Variants in ADAMTS12 observed in about 807,000 individuals in gnomAD.
ADAMTS12 encodes A disintegrin and metalloproteinase with thrombospondin motifs 12.
ADAMTS12 carries 118 observed loss-of-function variants against 167.8 expected under a neutral mutation model. That is an observed-to-expected ratio of 0.70 (90% confidence interval 0.61 to 0.82). The LOEUF is 0.82. Ranked by LOEUF, ADAMTS12 falls within the 40% of genes least tolerant of loss-of-function variation. The pLI is 0.00. For missense variants in ADAMTS12, 1,916 were observed against 1,998.8 expected, an observed-to-expected ratio of 0.96 and a Z score of 0.79; for synonymous variants, 704 against 716.9, an observed-to-expected ratio of 0.98 and a Z score of 0.29.
chr5:33,559,710 A>G lies in ADAMTS12; in HGVS notation c.4125+1317T>C, dbSNP rs181933. On this transcript the variant is annotated intron_variant, in intron 20 of 23. Coordinates refer to ENST00000504830, the MANE Select transcript of ADAMTS12 (RefSeq NM_030955.4). The stretch of plus-strand genomic sequence containing the variant: ...AGCCTGGCCAACATGGTGAAACCCC[A>G]TCTCTACTAAAAATACAAAAATCAG... Among the ~76,000 whole-genome samples, 1,025 of 152,148 alleles carry G rather than the reference A, an allele frequency of 6.7e-3. 14 individuals are homozygous for G. Among genetic ancestry groups the G allele is most frequent in the African/African-American group, 0.024 (982 of 41,522 alleles).
At chr5:33,775,028 G>A (rs920204633) in intron 2 of ADAMTS12, among the ~76,000 whole-genome samples, 3 of 152,080 alleles carry the variant, frequency 2.0e-5, no homozygotes, top group Non-Finnish European at 4.4e-5. Context: ...AGCATCTCTG[G>A]GTGATAGGGC....
intron 5 of ADAMTS12, among the ~76,000 whole-genome samples, chr5:33,668,994 G>C (rs949077289): frequency 3.9e-5 from 6 of 152,178 alleles, no homozygotes; most frequent in Non-Finnish European, 7.4e-5. Flanking sequence ...AAAATAAAAG[G>C]TGTTCAGACT....
At chr5:33,639,641 A>C (rs1295676992) in intron 11 of ADAMTS12, among the ~76,000 whole-genome samples, 1 of 152,224 alleles carries the variant, frequency 6.6e-6, no homozygotes, top group Non-Finnish European at 1.5e-5. Context: ...TGGCAAAGCC[A>C]AGACTTGAAT....
chr5:33,654,144 T>C (rs1170412079), intron 7 of ADAMTS12, among the ~76,000 whole-genome samples: 2 of 152,210 alleles, frequency 1.3e-5, no homozygotes, highest in African/African-American at 4.8e-5. Context: ...TTTTCAGTTC[T>C]ACATGTTTGA....
Position 33,616,043 on chromosome 5 carries a change from C to T in ADAMTS12, c.2173G>A (p.Gly725Arg), listed in dbSNP as rs1738991096. The T allele has an allele frequency of 6.2e-7, 1 of 1,614,118 alleles. No individual in the cohort carries two copies. ...TCCATCACTCTTATGTCCCTTGCTC[C>T]TTTTGGAATGAGCCCAATGTCAACA... is the stretch of plus-strand genomic sequence containing the variant. Reference protein sequence around the residue: ...GYVDIGLIPKGARDIRVMEIE... With the variant: ...GYVDIGLIPKRARDIRVMEIE... Residue 725 changes from glycine to arginine, a missense_variant, in exon 15 of 24, where the codon GGA becomes AGA. Transcript: ENST00000504830.
intron 5 of ADAMTS12, among the ~76,000 whole-genome samples, chr5:33,670,810 C>T (rs906588971): frequency 2.6e-5 from 4 of 152,206 alleles, no homozygotes; most frequent in African/African-American, 9.7e-5. Context: ...CAGTTACATT[C>T]CTGTGCCTTT....
chr5:33,529,563 T>A (rs933953889), intron 23 of ADAMTS12, among the ~76,000 whole-genome samples: 1 of 152,114 alleles, frequency 6.6e-6, no homozygotes, highest in African/African-American at 2.4e-5. Context: ...AAAGTAGAAA[T>A]GGAAATAATA....
intron 22 of ADAMTS12, among the ~76,000 whole-genome samples, chr5:33,541,434 C>A (rs1744690495): frequency 6.6e-6 from 1 of 152,194 alleles, no homozygotes; most frequent in Non-Finnish European, 1.5e-5. Context: ...AGGAAAACTT[C>A]CCCAACCTAG....
At chr5:33,813,087 T>TA (rs1293944587) in intron 2 of ADAMTS12, among the ~76,000 whole-genome samples, 8 of 152,242 alleles carry the variant, frequency 5.3e-5, no homozygotes, top group African/African-American at 1.9e-4. Flanking sequence ...TCCTAAGTGA[T>TA]AGCCAGTACC....
chr5:33,803,759 G>C (rs1296141051), intron 2 of ADAMTS12, among the ~76,000 whole-genome samples: 4 of 152,194 alleles, frequency 2.6e-5, no homozygotes, highest in Admixed American at 2.6e-4. Flanking sequence ...GCAGGCAAGA[G>C]GGTGTGTGCA....
intron 3 of ADAMTS12, among the ~76,000 whole-genome samples, chr5:33,706,567 C>T (rs1561226027): frequency 6.6e-6 from 1 of 152,156 alleles, no homozygotes; most frequent in Non-Finnish European, 1.5e-5. Flanking sequence ...AGATGGGCCT[C>T]CTGAATACAG....
chr5:33,541,282 A>G (rs1219094830), intron 22 of ADAMTS12, among the ~76,000 whole-genome samples: 2 of 152,222 alleles, frequency 1.3e-5, no homozygotes, highest in Non-Finnish European at 2.9e-5. Flanking sequence ...ACAAGTTTAG[A>G]GATAAAGAGT....
At chr5:33,818,632 TTTC>T (rs1422587203) in intron 2 of ADAMTS12, among the ~76,000 whole-genome samples, 3 of 152,102 alleles carry the variant, frequency 2.0e-5, no homozygotes, top group African/African-American at 7.2e-5. Flanking sequence ...CTATTTTTAA[TTTC>T]TTTAGGAATC....
intron 2 of ADAMTS12, among the ~76,000 whole-genome samples, chr5:33,879,542 C>T (rs576522956): frequency 7.0e-4 from 106 of 152,236 alleles, no homozygotes; most frequent in Middle Eastern, 3.4e-3. Context: ...AAATGTTCTG[C>T]AGCTCAATGA....
chr5:33,641,814 G>T lies in ADAMTS12; in HGVS notation c.1714C>A (p.Pro572Thr). The change falls in exon 11 of 24, where the codon CCC becomes ACC. Residue 572 changes from proline to threonine, a missense_variant. Coordinates refer to ENST00000504830, the MANE Select transcript of ADAMTS12 (RefSeq NM_030955.4). ...VQSAERLCNNPEPKFGGKYCT... is the reference protein window; with the variant it reads ...VQSAERLCNNTEPKFGGKYCT... ...AATATATTTATCTGGACTCACTCGGGGTTGTTGCAGAGCCTCTCTGCGCTC... is the reference window on the plus strand; with the variant it reads ...AATATATTTATCTGGACTCACTCGGTGTTGTTGCAGAGCCTCTCTGCGCTC... The T allele has an allele frequency of 2.5e-6, 4 of 1,608,870 alleles. No homozygotes were observed. Among genetic ancestry groups the T allele is most frequent in the Non-Finnish European group, 3.4e-6 (4 of 1,176,448 alleles).
At chr5:33,703,595 C>T (rs1743081261) in intron 3 of ADAMTS12, among the ~76,000 whole-genome samples, 1 of 152,160 alleles carries the variant, frequency 6.6e-6, no homozygotes, top group Non-Finnish European at 1.5e-5. Context: ...CCATACTACT[C>T]TCTGCTTCTA....
chr5:33,687,301 C>T (rs1742370690), intron 3 of ADAMTS12, among the ~76,000 whole-genome samples: 1 of 152,128 alleles, frequency 6.6e-6, no homozygotes, highest in African/African-American at 2.4e-5. Context: ...TAGCACCATA[C>T]CTCATTTAAC....
At chr5:33,603,448 G>C (rs766839960) in intron 16 of ADAMTS12, 1 of 152,130 alleles carries the variant, frequency 6.6e-6, no homozygotes, top group East Asian at 1.9e-4. Flanking sequence ...TAAGCCTTCC[G>C]TAATGCATGG....
intron 2 of ADAMTS12, among the ~76,000 whole-genome samples, chr5:33,805,600 G>A (rs1232625964): frequency 6.6e-6 from 1 of 152,222 alleles, no homozygotes; most frequent in East Asian, 1.9e-4. Context: ...CTCCTAAGGG[G>A]AGCGCGTGGA....
Sources: gnomAD v4.1 joint callset for allele counts (sites outside exome capture counted in the v4.1 genomes callset) on GRCh38, gnomAD v4.1.1 for gene constraint, MANE v1.5 for transcripts, NCBI Gene and HGNC (gene_info 2026-07-23, HGNC 2026-07-21) for gene names.